Variants in LSS observed in about 807,000 individuals in gnomAD.
The protein encoded by LSS is 2,3-epoxysqualene-lanosterol cyclase.
LSS carries 90 observed loss-of-function variants against 110.3 expected under a neutral mutation model. The ratio of observed to expected loss-of-function variants is 0.82; its 90% CI spans 0.69 to 0.97. The LOEUF is 0.97. Among genes scored for constraint, LSS ranks in the 50% least tolerant of loss-of-function variants. The pLI is 0.00. For synonymous variants in LSS, 433 were observed against 400.0 expected (o/e 1.08, Z -0.98); for missense variants, 927 against 990.0 (o/e 0.94, Z 0.85).
chr21:46,201,890 C>A (rs1225527751), intron 17 of LSS, among the ~76,000 whole-genome samples: 1 of 150,520 alleles, frequency 6.6e-6, no homozygotes, highest in East Asian at 2.1e-4. Context: ...CTCCACCTCC[C>A]GGGTTCACGC....
At chr21:46,191,855 G>A in intron 21 of LSS, 26 bp downstream of exon 21, 1 of 1,601,288 alleles carries the variant, frequency 6.2e-7, no homozygotes, top group East Asian at 2.2e-5. Flanking sequence ...GCTGGGCCTT[G>A]TGCGCTCAGG....
In LSS at chr21:46,206,662, G is replaced by C. The variant is rs534301354; in HGVS notation, c.1564+10C>G. The C allele has an allele frequency of 1.9e-6, 3 of 1,609,542 alleles. No homozygotes were observed. Among genetic ancestry groups the C allele is most frequent in the Non-Finnish European group, 2.5e-6 (3 of 1,178,586 alleles). On this transcript the variant is annotated intron_variant, in intron 16 of 21. Transcript: ENST00000397728. ...GGGTTTGCGCGCCGCAGTGCTGGCC[G>C]ACCACTCACCGAAGACCTCCGAGGG...
chr21:46,191,128 C>A lies in LSS; in HGVS notation c.2175G>T (p.Glu725Asp). The change falls in exon 22 of 22, where the codon GAG (glutamate) becomes GAT (aspartate). Residue 725 changes from glutamate to aspartate, a missense_variant. By Grantham distance (45) the Glu-to-Asp change is conservative. Transcript: ENST00000397728. ...ALGRFSQLYP[E>D]RALAGHP ...CTCAGGGGTGGCCAGCAAGGGCTCT[C>A]TCAGGGTACAGCTGGGAGAAGCGGC... 1 of 1,614,182 alleles carries A rather than the reference C, an allele frequency of 6.2e-7. No individual in the cohort carries two copies. The highest frequency in any genetic ancestry group is 2.2e-5 in the East Asian group (1 of 44,882).
At chr21:46,208,323 T>C (rs2080081112) in intron 13 of LSS, 22 bp from the exon 14 acceptor site, 2 of 1,550,646 alleles carry the variant, frequency 1.3e-6, no homozygotes, top group Non-Finnish European at 1.7e-6. Flanking sequence ...CGAGGGCAAA[T>C]GTGGAAGCAG....
chr21:46,189,797 A>AG lies in LSS; in HGVS notation c.*1306dup, dbSNP rs1277808276. ...TAGGGTGTGCCCTGGGCAAGGCAGC[A>AG]GGGGTAACGAAGCTCTCAGTGACTC... is the stretch of plus-strand genomic sequence containing the variant. On this transcript the variant is annotated 3_prime_UTR_variant, in exon 22 of 22. Coordinates refer to ENST00000397728, the MANE Select transcript of LSS (RefSeq NM_002340.6). 2 of 446,718 alleles carry AG rather than the reference A, an allele frequency of 4.5e-6. No homozygotes were observed. The highest frequency in any genetic ancestry group is 3.2e-5 in the South Asian group (2 of 62,988). The allele number at this position is 446,718 out of a possible 1,614,324, so 27.7% of individuals were successfully genotyped here. A position where few individuals can be genotyped will look rare whatever the true frequency, so the allele number is the denominator to read the frequency against.
chr21:46,210,661 G>T, intron 12 of LSS, 27 bp downstream of exon 12: 1 of 1,612,650 alleles, frequency 6.2e-7, no homozygotes, highest in Non-Finnish European at 8.5e-7. Flanking sequence ...GTCAGCTGAG[G>T]CTGAGAAAAG....
At position 46,222,739 on chromosome 21, in the gene LSS, C is replaced by T; in HGVS notation, c.320-1G>A. 6.2e-7 allele frequency: 1 copy of T among 1,612,088 alleles called. No individual in the cohort carries two copies. Among genetic ancestry groups the T allele is most frequent in the Non-Finnish European group, 8.5e-7 (1 of 1,178,710 alleles). On this transcript the variant is annotated splice_acceptor_variant, in intron 3 of 21. Transcript: ENST00000397728. LOFTEE classifies it high-confidence loss of function. Reference sequence around the variant, plus strand: ...GCCACGTGGCAAGTGATCAGGAGGCCTGTGTGGCAGGAGAGATGTTCCTCA... The same window carrying T: ...GCCACGTGGCAAGTGATCAGGAGGCTTGTGTGGCAGGAGAGATGTTCCTCA...
At chr21:46,194,781 C>T (rs1233580296) in intron 19 of LSS, 120 bp from the exon 20 acceptor site, 8 of 950,952 alleles carry the variant, frequency 8.4e-6, no homozygotes, top group South Asian at 1.7e-5. Context: ...GGCCACCCTA[C>T]CTAAGGGCCA....
intron 20 of LSS, chr21:46,192,624 G>A (rs1347234044): frequency 5.4e-6 from 2 of 370,424 alleles, no homozygotes; most frequent in Non-Finnish European, 1.1e-5. Context: ...CGATACTGCG[G>A]GTGCATCTGC....
intron 20 of LSS, 93 bp from the exon 21 acceptor site, chr21:46,192,052 G>A: frequency 1.0e-6 from 1 of 955,334 alleles, no homozygotes; most frequent in Admixed American, 2.0e-5. Context: ...GCAAACCCTG[G>A]AATGCTGCAG....
At chr21:46,215,109 G>T (rs753001459) in intron 9 of LSS, 71 bp downstream of exon 9, 3 of 1,300,716 alleles carry the variant, frequency 2.3e-6, no homozygotes, top group Admixed American at 1.7e-5. Context: ...CTCACAGCCC[G>T]GCCTCTAGGA....
chr21:46,191,762 G>C, intron 21 of LSS, 119 bp downstream of exon 21: 1 of 807,516 alleles, frequency 1.2e-6, no homozygotes. Context: ...TGGCAGAGGT[G>C]ACGCCTCCCA....
At chr21:46,202,351 G>A (rs1170189062) in intron 17 of LSS, among the ~76,000 whole-genome samples, 1 of 141,576 alleles carries the variant, frequency 7.1e-6, no homozygotes, top group Non-Finnish European at 1.5e-5. Flanking sequence ...CCGAGATCCC[G>A]CCACTGCACT....
At chr21:46,208,217 G>A (rs1025727718) in intron 14 of LSS, 34 bp downstream of exon 14, 4 of 1,548,870 alleles carry the variant, frequency 2.6e-6, no homozygotes, top group Non-Finnish European at 3.5e-6. Flanking sequence ...CTCCCCTGGG[G>A]GACGGGACAG....
At chr21:46,222,451 G>C in intron 4 of LSS, 179 bp downstream of exon 4, 1 of 590,874 alleles carries the variant, frequency 1.7e-6, no homozygotes, top group East Asian at 2.8e-5. Context: ...GTGAAGCCGA[G>C]GCCCCACCTG....
Position 46,220,855 on chromosome 21 carries a change from T to C in LSS, c.550+999A>G, listed in dbSNP as rs528279997. ...GTGGACAGCCTGGGGCTTGGAGAGG[T>C]AGCCAGGCCAGGGCTTGGAGAGAAA... On this transcript the variant is annotated intron_variant, in intron 5 of 21. Transcript: ENST00000397728. Among the ~76,000 whole-genome samples, 31 of 139,740 alleles carry C rather than the reference T, an allele frequency of 2.2e-4. No individual in the cohort carries two copies. The East Asian group carries it at 6.0e-3, about 27-fold the overall frequency. The allele number at this position is 139,740 out of a possible 152,430, so 91.7% of individuals were successfully genotyped here. A position where few individuals can be genotyped will look rare whatever the true frequency, so the allele number is the denominator to read the frequency against.
chr21:46,194,480 G>T lies in LSS; in HGVS notation c.1988+11C>A. The stretch of plus-strand genomic sequence containing the variant: ...AAACCCAAGGCTCAGGGACGGTCCC[G>T]TCGTCCCCACCGAACGGCCATCAGC... On this transcript the variant is annotated intron_variant, in intron 20 of 21. Transcript: ENST00000397728. The T allele has an allele frequency of 6.2e-7, 1 of 1,612,728 alleles. No individual in the cohort carries two copies. Among genetic ancestry groups the T allele is most frequent in the Non-Finnish European group, 8.5e-7 (1 of 1,179,950 alleles).
At chr21:46,227,870 A>G (rs1238280796) in intron 2 of LSS, among the ~76,000 whole-genome samples, 180 bp from the exon 3 acceptor site, 1 of 152,238 alleles carries the variant, frequency 6.6e-6, no homozygotes, top group Non-Finnish European at 1.5e-5. Context: ...CAGCAAAGTA[A>G]AAGAACAGCT....
In LSS at chr21:46,207,457, TG is replaced by T. The variant is rs1224612704; in HGVS notation, c.1437del (p.Arg480GlufsTer12). On this transcript the variant is annotated frameshift_variant, in exon 15 of 22. Transcript: ENST00000397728. The part of the protein sequence containing the change: ...EKCPHVTEHI[P>X]RERLCDAVAV... ...GCCACAGCATCGCAGAGCCGTTCTC[TG>T]GGGATGTGCTCGGTGACATGGGGAC... The T allele has an allele frequency of 6.2e-7, 1 of 1,612,662 alleles. No homozygotes were observed. The highest frequency in any genetic ancestry group is 1.1e-5 in the South Asian group (1 of 90,672).
Sources: allele counts gnomAD v4.1 joint callset (sites outside exome capture counted in the v4.1 genomes callset), GRCh38; gene constraint gnomAD v4.1.1; transcripts MANE v1.5; gene names NCBI Gene and HGNC (gene_info 2026-07-23, HGNC 2026-07-21).